TET2: variants seen among roughly 807,000 people sequenced by gnomAD.
TET2 encodes the protein methylcytosine dioxygenase TET2.
Under a neutral mutation model 142.9 loss-of-function variants are expected in TET2, and 299 were observed. That is an observed-to-expected ratio of 2.09 (90% CI 1.90 to 2.30). TET2 has a LOEUF of 2.30. Among genes scored for constraint, TET2 ranks in the 30% most tolerant of loss-of-function variants. The pLI is 0.00. For synonymous variants in TET2, 819 were observed against 849.0 expected (o/e 0.96, Z 0.61); for missense variants, 2,418 against 2,378.0 (o/e 1.02, Z -0.35).
At chr4:105,229,342 C>T (rs189243278) in intron 2 of TET2, among the ~76,000 whole-genome samples, 14 of 152,272 alleles carry the variant, frequency 9.2e-5, no homozygotes, top group Non-Finnish European at 1.3e-4. Flanking sequence ...GACAGAGTCT[C>T]GCTCTGTTGC....
chr4:105,237,156 G>C lies in TET2; in HGVS notation c.3214G>C (p.Ala1072Pro), dbSNP rs781223363. ...AGTTTTGACTAGACAAACCACTGCT[G>C]CAGAACTTGATAGCCACACCCCAGC... ...VTVLTRQTTA[A>P]ELDSHTPALE... Residue 1072 changes from alanine to proline, a missense_variant, in exon 3 of 11, where the codon GCA becomes CCA. Transcript: ENST00000380013. 19 of 1,613,992 alleles carry C rather than the reference G, an allele frequency of 1.2e-5. No homozygotes were observed. The highest frequency in any genetic ancestry group is 1.6e-5 in the Non-Finnish European group (19 of 1,180,020).
chr4:105,236,864 TAGTC>T lies in TET2; in HGVS notation c.2925_2928del (p.Ser975ArgfsTer31). 6.2e-7 allele frequency: 1 copy of T among 1,614,038 alleles called. No homozygotes were observed. Among genetic ancestry groups the T allele is most frequent in the Non-Finnish European group, 8.5e-7 (1 of 1,179,992 alleles). ...AGCAACCCCAAACTGAGTCTTGCCA[TAGTC>T]AGATGCACAGGCCAATTAAGGTGGA... is the stretch of plus-strand genomic sequence containing the variant. On this transcript the variant is annotated frameshift_variant, in exon 3 of 11. Transcript: ENST00000380013. LOFTEE classifies it high-confidence loss of function.
At chr4:105,247,593 G>C (rs1199016289) in intron 6 of TET2, among the ~76,000 whole-genome samples, 2 of 150,618 alleles carry the variant, frequency 1.3e-5, no homozygotes, top group Non-Finnish European at 2.9e-5. Context: ...GATTTTCTCT[G>C]TAAAATTCCC....
chr4:105,196,859 A>G (rs746322047), intron 2 of TET2, among the ~76,000 whole-genome samples: 10 of 152,172 alleles, frequency 6.6e-5, no homozygotes, highest in African/African-American at 2.2e-4. Context: ...TAGGCATTCA[A>G]TCATACAATT....
intron 2 of TET2, among the ~76,000 whole-genome samples, chr4:105,220,800 G>C (rs1249656949): frequency 2.0e-5 from 3 of 152,128 alleles, no homozygotes; most frequent in Admixed American, 2.0e-4. Flanking sequence ...GGAGAGATCT[G>C]TCCTTATTTC....
intron 2 of TET2, among the ~76,000 whole-genome samples, chr4:105,228,180 G>A (rs936540642): frequency 1.3e-5 from 2 of 152,018 alleles, no homozygotes; most frequent in Admixed American, 1.3e-4. Context: ...ACATATTAAA[G>A]TAAAAGAAAA....
chr4:105,225,182 A>G (rs1728108284), intron 2 of TET2, among the ~76,000 whole-genome samples: 1 of 55,920 alleles, frequency 1.8e-5, no homozygotes, highest in South Asian at 4.7e-4. Flanking sequence ...TATAGTAAAA[A>G]ATCGTGTGTG....
chr4:105,217,841 C>T (rs12508009), intron 2 of TET2, among the ~76,000 whole-genome samples: 9,333 of 151,972 alleles, frequency 0.061, 368 homozygotes, highest in Non-Finnish European at 0.09. Flanking sequence ...CACATTAGGA[C>T]ACATCTCTAG....
intron 2 of TET2, among the ~76,000 whole-genome samples, chr4:105,195,540 A>G (rs1489940256): frequency 1.3e-5 from 2 of 152,184 alleles, no homozygotes; most frequent in African/African-American, 2.4e-5. Flanking sequence ...TATATAAAAT[A>G]GTGCAGTATT....
chr4:105,160,925 GCCAC>G lies in TET2; in HGVS notation c.-193+13948_-193+13951del, dbSNP rs1560714708. On this transcript the variant is annotated intron_variant, in intron 1 of 10. Coordinates refer to ENST00000380013, the MANE Select transcript of TET2 (RefSeq NM_001127208.3). ...GGAGTAGCTGGGATTACAGGCACTC[GCCAC>G]CACGCCCGGCTAATTTTTGTATTTT... is the stretch of plus-strand genomic sequence containing the variant. 2.0e-5 allele frequency among the ~76,000 whole-genome samples: 3 copies of G among 152,038 alleles called. No individual in the cohort carries two copies. The East Asian group carries it at 5.8e-4, about 29-fold the overall frequency.
intron 2 of TET2, 23 bp from the exon 3 acceptor site, chr4:105,233,874 A>G: frequency 7.6e-7 from 1 of 1,311,118 alleles, no homozygotes; most frequent in Non-Finnish European, 1.1e-6. Flanking sequence ...ACACATTTTA[A>G]TTTTTGTTTC....
intron 7 of TET2, among the ~76,000 whole-genome samples, chr4:105,260,281 G>C (rs1041008892): frequency 2.0e-5 from 3 of 152,036 alleles, no homozygotes; most frequent in Admixed American, 6.6e-5. Context: ...GAAGTCATTG[G>C]TTTTTGTCTT....
At chr4:105,147,729 T>C (rs974701072) in intron 1 of TET2, 2 of 152,052 alleles carry the variant, frequency 1.3e-5, no homozygotes, top group African/African-American at 4.8e-5. Context: ...GGAATGTATG[T>C]AAGAGAATTT....
chr4:105,261,254 T>G (rs369634244), intron 7 of TET2, among the ~76,000 whole-genome samples: 2 of 152,136 alleles, frequency 1.3e-5, no homozygotes, highest in South Asian at 2.1e-4. Context: ...AAGGTTTTCA[T>G]GTATCCTGCA....
rs540235076 is a variant in TET2 at position 105,210,579 on chromosome 4, A to G, written c.-47+20074A>G. On this transcript the variant is annotated intron_variant, in intron 2 of 10. Transcript: ENST00000380013. Reference sequence around the variant, plus strand: ...ATAATGTACATCTCAAACTGAGCTTATTCGAAATAGAAGCCTTAATTTTTC... The same window carrying G: ...ATAATGTACATCTCAAACTGAGCTTGTTCGAAATAGAAGCCTTAATTTTTC... Among the ~76,000 whole-genome samples, 3 of 152,324 alleles carry G rather than the reference A, an allele frequency of 2.0e-5. No homozygotes were observed. In the South Asian group the frequency reaches 6.2e-4, roughly 32 times the overall value.
intron 2 of TET2, among the ~76,000 whole-genome samples, chr4:105,191,612 G>A (rs147002216): frequency 1.3e-5 from 2 of 152,032 alleles, no homozygotes; most frequent in African/African-American, 4.8e-5. Context: ...AGCCTGTATA[G>A]CTCTAATCTC....
chr4:105,210,781 C>T (rs961886637), intron 2 of TET2, among the ~76,000 whole-genome samples: 4 of 152,128 alleles, frequency 2.6e-5, no homozygotes, highest in African/African-American at 9.7e-5. Context: ...TAAATTTATC[C>T]ATTTCTCTGC....
At chr4:105,160,678 A>G (rs1246476873) in intron 1 of TET2, among the ~76,000 whole-genome samples, 1 of 152,220 alleles carries the variant, frequency 6.6e-6, no homozygotes, top group African/African-American at 2.4e-5. Flanking sequence ...GAAATGTAAT[A>G]CTATAAGTGA....
chr4:105,269,818 G>T (rs947171129), intron 9 of TET2, 71 bp downstream of exon 9: 1 of 1,481,854 alleles, frequency 6.7e-7, no homozygotes, highest in Admixed American at 2.0e-5. Context: ...ACATATGCAA[G>T]ACTGGGTAAT....
Sources: allele counts gnomAD v4.1 joint callset (sites outside exome capture counted in the v4.1 genomes callset), GRCh38; gene constraint gnomAD v4.1.1; transcripts MANE v1.5; gene names NCBI Gene and HGNC (gene_info 2026-07-23, HGNC 2026-07-21).